EFCAB10: variants seen among roughly 807,000 people sequenced by gnomAD.
EFCAB10 encodes EF-hand calcium-binding domain-containing protein 10.
In EFCAB10, 7 loss-of-function variants were observed where a neutral mutation model predicts 7.7. That is an observed-to-expected ratio of 0.91 (90% CI 0.52 to 1.72). The LOEUF is 1.72. Among genes scored for constraint, EFCAB10 ranks in the 40% most tolerant of loss-of-function variants. The probability of loss-of-function intolerance (pLI) is 0.00; values close to 1 mark genes in which losing one functional copy is unlikely to be tolerated. For missense variants in EFCAB10, 112 were observed against 61.5 expected, an observed-to-expected ratio of 1.82 and a Z score of -2.74; for synonymous variants, 52 against 21.0, an observed-to-expected ratio of 2.47 and a Z score of -4.03.
At chr7:105,569,109 C>A (rs1054332711) in intron 3 of EFCAB10, 94 bp downstream of exon 3, 18 of 665,392 alleles carry the variant, frequency 2.7e-5, no homozygotes, top group East Asian at 1.6e-4. Context: ...CAAAATATTT[C>A]TTTCAAAAGA....
chr7:105,569,491 T>C lies in EFCAB10; in HGVS notation c.187A>G (p.Met63Val). Residue 63 changes from methionine to valine, a missense_variant, in exon 2 of 5, where the codon ATG becomes GTG. Met to Val is a conservative substitution (Grantham distance 21, BLOSUM62 1). Coordinates refer to ENST00000480514, the MANE Select transcript of EFCAB10 (RefSeq NM_001355526.2). The part of the protein sequence containing the change: ...KVTGVAFPFF[M>V]DNSNIVAMFE... ...ATAGCCACAATGTTAGAGTTATCCA[T>C]AAAGAAAGGAAACGCCACGCCTGTT... 1 of 703,004 alleles carries C rather than the reference T, an allele frequency of 1.4e-6. No homozygotes were observed. Among genetic ancestry groups the C allele is most frequent in the East Asian group, 2.7e-5 (1 of 37,272 alleles). The allele number at this position is 703,004 out of a possible 1,614,324, so 43.5% of individuals were successfully genotyped here. A position where few individuals can be genotyped will look rare whatever the true frequency, so the allele number is the denominator to read the frequency against.
chr7:105,574,595 C>T (rs1792029722), intron 1 of EFCAB10, among the ~76,000 whole-genome samples: 2 of 151,994 alleles, frequency 1.3e-5, no homozygotes, highest in African/African-American at 2.4e-5. Flanking sequence ...TGCCATTCTC[C>T]TGCCTCAGCC....
At chr7:105,574,490 T>C (rs1384399295) in intron 1 of EFCAB10, among the ~76,000 whole-genome samples, 2 of 145,456 alleles carry the variant, frequency 1.4e-5, no homozygotes, top group African/African-American at 5.0e-5. Context: ...GCAGGGAAGC[T>C]CCTTTTTTTT....
In EFCAB10 at chr7:105,565,741, G is replaced by C. The variant is rs1791699162; in HGVS notation, c.*-294C>G. 7 of 811,066 alleles carry C rather than the reference G, an allele frequency of 8.6e-6. No individual in the cohort carries two copies. The East Asian group carries it at 1.7e-4, about 20-fold the overall frequency. 50.2% of individuals were successfully genotyped at this position (811,066 alleles called of 1,614,324 possible). On this transcript the variant is annotated intron_variant, in intron 4 of 4. Transcript: ENST00000480514. The stretch of plus-strand genomic sequence containing the variant: ...TTTAGGGTTCTGGAGATGTTTGGGT[G>C]GGATAAGATCAGTTGAAATTTTAAA...
intron 3 of EFCAB10, among the ~76,000 whole-genome samples, chr7:105,568,086 A>G (rs531868941): frequency 6.6e-6 from 1 of 152,302 alleles, no homozygotes; most frequent in Admixed American, 6.5e-5. Context: ...AATGCTTCCT[A>G]GTTTCATTCT....
chr7:105,574,055 T>C (rs890772370), intron 1 of EFCAB10, among the ~76,000 whole-genome samples: 4 of 151,558 alleles, frequency 2.6e-5, no homozygotes, highest in Admixed American at 1.3e-4. Flanking sequence ...CAGCATAGAA[T>C]TGTCACTGGG....
intron 1 of EFCAB10, among the ~76,000 whole-genome samples, chr7:105,575,056 G>A (rs55807006): frequency 0.082 from 12,385 of 150,942 alleles, 546 homozygotes; most frequent in East Asian, 0.12. Context: ...TGGGGGTTGC[G>A]GTGAGCCAAG....
intron 1 of EFCAB10, among the ~76,000 whole-genome samples, chr7:105,579,131 T>A (rs1030867756): frequency 6.6e-6 from 1 of 152,134 alleles, no homozygotes; most frequent in Non-Finnish European, 1.5e-5. Flanking sequence ...GTTCCCAAAA[T>A]CTTTACCCCT....
At chr7:105,579,196 G>A (rs1243083738) in intron 1 of EFCAB10, among the ~76,000 whole-genome samples, 4 of 152,190 alleles carry the variant, frequency 2.6e-5, no homozygotes, top group Non-Finnish European at 4.4e-5. Flanking sequence ...AGAAGAAAGC[G>A]GTAAAGCAAG....
At position 105,576,225 on chromosome 7, in the gene EFCAB10, C is replaced by T. The variant is rs573955796; in HGVS notation, c.106+5133G>A. Among the ~76,000 whole-genome samples, 4 of 152,264 alleles carry T rather than the reference C, an allele frequency of 2.6e-5. No homozygotes were observed. The South Asian group carries it at 8.3e-4, about 32-fold the overall frequency. On this transcript the variant is annotated intron_variant, in intron 1 of 4. Transcript: ENST00000480514. ...TTCAAAGAAACTTCTTATGCCACAT[C>T]AGGCTAAGGTCCCAGACACTGAATG...
chr7:105,578,747 A>G (rs758338644), intron 1 of EFCAB10, among the ~76,000 whole-genome samples: 2 of 152,146 alleles, frequency 1.3e-5, no homozygotes, highest in African/African-American at 2.4e-5. Context: ...TCTGAGGGCA[A>G]TATGTTCCAA....
intron 1 of EFCAB10, chr7:105,570,991 C>G (rs1791935971): frequency 6.6e-6 from 1 of 151,828 alleles, no homozygotes; most frequent in Non-Finnish European, 1.5e-5. Context: ...CGCCACAGCA[C>G]TCCAGCCTGG....
In EFCAB10 at chr7:105,569,672, T is replaced by C. The variant is rs1429641114; in HGVS notation, c.107-101A>G. 18 of 615,110 alleles carry C rather than the reference T, an allele frequency of 2.9e-5. No individual in the cohort carries two copies. The East Asian group carries it at 4.1e-4, about 14-fold the overall frequency. 38.1% of individuals were successfully genotyped at this position (615,110 alleles called of 1,614,324 possible). On this transcript the variant is annotated intron_variant, in intron 1 of 4. Coordinates refer to ENST00000480514, the MANE Select transcript of EFCAB10 (RefSeq NM_001355526.2). ...TATTAAACAGCTATAGCAAAGGCAC[T>C]GTACTAGGCGCTGGGGACACAGGCC...
chr7:105,570,229 AAAAAAAAAAAAATATAT>A (rs1463430142), intron 1 of EFCAB10, among the ~76,000 whole-genome samples: 20 of 72,880 alleles, frequency 2.7e-4, no homozygotes, highest in African/African-American at 1.2e-3. Context: ...AAAAAAAAAA[AAAAAAAAAAAAATATAT>A]ATATATATAT....
At chr7:105,570,226 AAAAAAAAAAAAAAAAT>A (rs1359312528) in intron 1 of EFCAB10, among the ~76,000 whole-genome samples, 56 of 63,216 alleles carry the variant, frequency 8.9e-4, no homozygotes, top group African/African-American at 3.6e-3. Context: ...AAAAAAAAAA[AAAAAAAAAAAAAAAAT>A]ATATATATAT....
chr7:105,565,562 A>G lies in EFCAB10; in HGVS notation c.*-115T>C. ...TTGCTAATCACTTCAATGAAGGAGG[A>G]GCAGCCCAGCTGCAGTTTGATATGA... On this transcript the variant is annotated intron_variant, in intron 4 of 4. Transcript: ENST00000480514. The G allele has an allele frequency of 6.2e-7, 1 of 1,613,848 alleles. No homozygotes were observed. The highest frequency in any genetic ancestry group is 8.5e-7 in the Non-Finnish European group (1 of 1,179,746).
chr7:105,574,517 C>T (rs1792027120), intron 1 of EFCAB10, among the ~76,000 whole-genome samples: 1 of 151,792 alleles, frequency 6.6e-6, no homozygotes, highest in Non-Finnish European at 1.5e-5. Context: ...CGGAATCTCG[C>T]TCTGTTGCCC....
chr7:105,571,921 C>A (rs1163806338), intron 1 of EFCAB10: 1 of 152,134 alleles, frequency 6.6e-6, no homozygotes, highest in Non-Finnish European at 1.5e-5. Context: ...CCTCAGAGTT[C>A]TTTAGGGATG....
At chr7:105,580,698 A>AT (rs1227490284) in intron 1 of EFCAB10, among the ~76,000 whole-genome samples, 1 of 152,048 alleles carries the variant, frequency 6.6e-6, no homozygotes, top group Admixed American at 6.6e-5. Context: ...CAAATGGACA[A>AT]TTTTGGCATT....
Sources: allele counts gnomAD v4.1 joint callset (sites outside exome capture counted in the v4.1 genomes callset), GRCh38; gene constraint gnomAD v4.1.1; transcripts MANE v1.5; gene names NCBI Gene and HGNC (gene_info 2026-07-23, HGNC 2026-07-21).